The following PARD3 variants were observed in gnomAD, a reference collection of about 807,000 sequenced individuals.
PARD3 encodes partitioning defective 3 homolog.
In PARD3, 75 loss-of-function variants were observed where a neutral mutation model predicts 155.4. The ratio of observed to expected loss-of-function variants is 0.48; its 90% CI spans 0.40 to 0.58. The LOEUF is 0.58. Ranked by LOEUF, PARD3 falls within the 20% of genes least tolerant of loss-of-function variation. The pLI is 0.00. For missense variants in PARD3, 1,642 were observed against 1,721.7 expected, an observed-to-expected ratio of 0.95 and a Z score of 0.82; for synonymous variants, 576 against 610.5, an observed-to-expected ratio of 0.94 and a Z score of 0.83.
intron 2 of PARD3, among the ~76,000 whole-genome samples, chr10:34,562,266 A>T (rs1401667558): frequency 1.3e-5 from 2 of 151,190 alleles, no homozygotes; most frequent in African/African-American, 4.9e-5. Flanking sequence ...GTGAAACCCC[A>T]TCTCTACTAA....
intron 2 of PARD3, among the ~76,000 whole-genome samples, chr10:34,600,990 T>G (rs1446021049): frequency 1.6e-4 from 19 of 120,440 alleles, no homozygotes; most frequent in African/African-American, 6.3e-4. Flanking sequence ...TTTTTTTTTT[T>G]GTAGAAATGG....
chr10:34,308,232 G>C (rs1391129207), intron 20 of PARD3, among the ~76,000 whole-genome samples: 1 of 152,122 alleles, frequency 6.6e-6, no homozygotes, highest in Non-Finnish European at 1.5e-5. Flanking sequence ...GGTGCCGAAG[G>C]CTACTGGGGG....
intron 3 of PARD3, among the ~76,000 whole-genome samples, chr10:34,478,320 G>A (rs999523298): frequency 9.2e-5 from 14 of 152,174 alleles, no homozygotes; most frequent in African/African-American, 3.4e-4. Context: ...GCTGCATTGG[G>A]AGTACTTGGT....
intron 1 of PARD3, among the ~76,000 whole-genome samples, chr10:34,776,520 C>T (rs1839543959): frequency 6.7e-6 from 1 of 150,210 alleles, no homozygotes; most frequent in African/African-American, 2.4e-5. Context: ...TGTCAGAAGA[C>T]AAATCCAGAA....
intron 3 of PARD3, among the ~76,000 whole-genome samples, chr10:34,486,018 G>A (rs200500946): frequency 1.4e-5 from 2 of 146,668 alleles, no homozygotes; most frequent in East Asian, 4.0e-4. Context: ...TGAACTCCCA[G>A]GCTCACACGA....
intron 24 of PARD3, among the ~76,000 whole-genome samples, chr10:34,112,329 A>G (rs1220508981): frequency 6.6e-6 from 1 of 152,252 alleles, no homozygotes; most frequent in Non-Finnish European, 1.5e-5. Flanking sequence ...AGTCACATGG[A>G]AATTTCAAAT....
At chr10:34,493,999 T>A (rs1043752783) in intron 3 of PARD3, among the ~76,000 whole-genome samples, 1 of 152,132 alleles carries the variant, frequency 6.6e-6, no homozygotes, top group Non-Finnish European at 1.5e-5. Flanking sequence ...ATTTACACCA[T>A]GGAAATGGGA....
intron 2 of PARD3, among the ~76,000 whole-genome samples, chr10:34,641,035 G>A (rs2092662883): frequency 6.6e-6 from 1 of 152,132 alleles, no homozygotes; most frequent in African/African-American, 2.4e-5. Context: ...GTATACCTTA[G>A]TAGATTTGTT....
chr10:34,253,732 G>A (rs1478444630), intron 22 of PARD3, among the ~76,000 whole-genome samples: 1 of 152,182 alleles, frequency 6.6e-6, no homozygotes, highest in Admixed American at 6.5e-5. Context: ...TGGCTTTTCA[G>A]GGCAAGAGGT....
chr10:34,732,554 C>G (rs1376239801), intron 1 of PARD3, among the ~76,000 whole-genome samples: 2 of 151,980 alleles, frequency 1.3e-5, no homozygotes, highest in Admixed American at 6.6e-5. Flanking sequence ...TTTAATTAGC[C>G]GGGCATAGTG....
intron 3 of PARD3, among the ~76,000 whole-genome samples, chr10:34,482,030 ATC>A (rs2079114281): frequency 2.7e-5 from 2 of 73,366 alleles, no homozygotes; most frequent in South Asian, 7.8e-4. Context: ...GCTAATTTTT[ATC>A]TTTTTTTTTT....
chr10:34,143,125 T>C (rs879876953), intron 22 of PARD3, among the ~76,000 whole-genome samples: 7 of 152,012 alleles, frequency 4.6e-5, no homozygotes, highest in African/African-American at 1.7e-4. Flanking sequence ...ATCAAGACCA[T>C]CCTGGCCAAC....
intron 2 of PARD3, among the ~76,000 whole-genome samples, chr10:34,584,755 CAATT>C (rs1398114869): frequency 1.3e-4 from 20 of 152,064 alleles, no homozygotes; most frequent in Non-Finnish European, 2.9e-4. Flanking sequence ...TGATGGCTGT[CAATT>C]AAGCTAACTG....
At chr10:34,346,514 A>ACT (rs890406436) in intron 15 of PARD3, 36 of 1,312,804 alleles carry the variant, frequency 2.7e-5, no homozygotes, top group Middle Eastern at 2.1e-4. Context: ...ACACATGCAC[A>ACT]CTCTCTCTCT....
chr10:34,568,516 T>C (rs551963397), intron 2 of PARD3, among the ~76,000 whole-genome samples: 1 of 152,334 alleles, frequency 6.6e-6, no homozygotes, highest in Non-Finnish European at 1.5e-5. Flanking sequence ...AGAAATAAGA[T>C]ATAAAAATCA....
chr10:34,647,769 C>T (rs972907280), intron 2 of PARD3, among the ~76,000 whole-genome samples: 5 of 152,158 alleles, frequency 3.3e-5, no homozygotes, highest in Non-Finnish European at 5.9e-5. Flanking sequence ...TTGCTAAGGC[C>T]TATTTGAGAG....
intron 1 of PARD3, among the ~76,000 whole-genome samples, chr10:34,748,863 T>C (rs1334831326): frequency 2.6e-5 from 4 of 152,124 alleles, no homozygotes; most frequent in Non-Finnish European, 5.9e-5. Context: ...ATTATAACAT[T>C]CGGGCTACCA....
At position 34,803,180 on chromosome 10, in the gene PARD3, A is replaced by G. The variant is rs2134350255; in HGVS notation, c.120+11696T>C. ...GTTGAACCCAGGAGACGGACGTTGC[A>G]GTGAGCCGAGATCAAACCACTGCAC... is the stretch of plus-strand genomic sequence containing the variant. On this transcript the variant is annotated intron_variant, in intron 1 of 24. Transcript: ENST00000374788. 1.3e-5 allele frequency among the ~76,000 whole-genome samples: 2 copies of G among 151,534 alleles called. 1 individual carries two copies. The highest frequency in any genetic ancestry group is 1.3e-4 in the Admixed American group (2 of 15,190).
intron 24 of PARD3, among the ~76,000 whole-genome samples, chr10:34,116,706 A>C (rs998580842): frequency 6.6e-6 from 1 of 152,258 alleles, no homozygotes; most frequent in Non-Finnish European, 1.5e-5. Flanking sequence ...CCAAACTTAC[A>C]TAACTCTTTA....
Sources: gnomAD v4.1 joint callset for allele counts (sites outside exome capture counted in the v4.1 genomes callset) on GRCh38, gnomAD v4.1.1 for gene constraint, MANE v1.5 for transcripts, NCBI Gene and HGNC (gene_info 2026-07-23, HGNC 2026-07-21) for gene names.